The following MAPK8 variants were observed in gnomAD, a reference collection of about 807,000 sequenced individuals.
MAPK8 encodes JUN N-terminal kinase.
A neutral mutation model predicts 52.9 loss-of-function variants in MAPK8; 13 were observed. The observed-to-expected ratio is 0.25, with a 90% CI of 0.16 to 0.39. The LOEUF (loss-of-function observed/expected upper bound fraction) is 0.39. Ranked by LOEUF, MAPK8 falls within the 10% of genes least tolerant of loss-of-function variation. The pLI is 1.00. For synonymous variants in MAPK8, 191 were observed against 169.8 expected, an observed-to-expected ratio of 1.12 and a Z score of -0.97; for missense variants, 300 against 519.2, an observed-to-expected ratio of 0.58 and a Z score of 4.10.
In MAPK8 at chr10:48,392,695, A is replaced by ATAAAGGATATTACAAAGGAT. The variant is rs2041690079; in HGVS notation, c.-49-8917_-49-8916insTAAAGGATATTACAAAGGAT. Among the ~76,000 whole-genome samples the ATAAAGGATATTACAAAGGAT allele has an allele frequency of 2.0e-5, 3 of 151,940 alleles. No homozygotes were observed. In the East Asian group the frequency reaches 5.8e-4, roughly 29 times the overall value. ...CTCTCTTTATTGGATCCTTTTTGTT[A>ATAAAGGATATTACAAAGGAT]GCATATAAACATGTTCAGGTTGTCT... On this transcript the variant is annotated intron_variant, in intron 1 of 11. Coordinates refer to ENST00000374189, the MANE Select transcript of MAPK8 (RefSeq NM_001323329.2).
intron 1 of MAPK8, among the ~76,000 whole-genome samples, chr10:48,370,928 C>T (rs201701214): frequency 5.9e-5 from 9 of 152,146 alleles, no homozygotes; most frequent in East Asian, 1.9e-4. Flanking sequence ...TCTACTTAGA[C>T]GCTATGTACA....
chr10:48,388,864 G>A (rs562194535), intron 1 of MAPK8, among the ~76,000 whole-genome samples: 11 of 152,130 alleles, frequency 7.2e-5, no homozygotes, highest in Non-Finnish European at 1.5e-4. Context: ...AGGAGGAACC[G>A]TAAAGTCCAA....
chr10:48,346,220 A>C (rs1301111115), intron 1 of MAPK8, among the ~76,000 whole-genome samples: 1 of 152,256 alleles, frequency 6.6e-6, no homozygotes, highest in Non-Finnish European at 1.5e-5. Flanking sequence ...TACCAGATAT[A>C]GATCTTAGAT....
At chr10:48,362,463 A>G (rs1442295827) in intron 1 of MAPK8, among the ~76,000 whole-genome samples, 1 of 149,988 alleles carries the variant, frequency 6.7e-6, no homozygotes. Context: ...TCCCAGACTC[A>G]GAAGAGGAAA....
intron 3 of MAPK8, among the ~76,000 whole-genome samples, chr10:48,408,476 A>G (rs1350529754): frequency 2.0e-5 from 3 of 152,258 alleles, no homozygotes; most frequent in South Asian, 2.1e-4. Context: ...AAAACATTTT[A>G]AAAATGACAT....
intron 1 of MAPK8, 85 bp downstream of exon 1, chr10:48,306,906 T>G (rs1410239681): frequency 6.6e-6 from 1 of 152,156 alleles, no homozygotes; most frequent in East Asian, 1.9e-4. Flanking sequence ...CGCCGCCGCC[T>G]TCTCCTCAGC....
chr10:48,431,531 G>A (rs890903504), intron 11 of MAPK8, among the ~76,000 whole-genome samples: 2 of 152,098 alleles, frequency 1.3e-5, no homozygotes, highest in Non-Finnish European at 2.9e-5. Flanking sequence ...TGGCATTGTT[G>A]CTGGGTCTTT....
At chr10:48,424,234 G>T (rs1025337356) in intron 7 of MAPK8, 75 bp downstream of exon 7, 38 of 1,321,972 alleles carry the variant, frequency 2.9e-5, no homozygotes, top group East Asian at 6.9e-5. Flanking sequence ...AAATGAATAT[G>T]CTACATTTAC....
chr10:48,391,515 C>T (rs1009557990), intron 1 of MAPK8, among the ~76,000 whole-genome samples: 5 of 152,184 alleles, frequency 3.3e-5, no homozygotes, highest in African/African-American at 4.8e-5. Flanking sequence ...ATGCCCTTAT[C>T]TTGGTGAATG....
intron 1 of MAPK8, among the ~76,000 whole-genome samples, chr10:48,396,782 T>C (rs2041909276): frequency 6.6e-6 from 1 of 152,198 alleles, no homozygotes; most frequent in African/African-American, 2.4e-5. Context: ...TTATACTGAG[T>C]GAAATAGCTA....
intron 1 of MAPK8, among the ~76,000 whole-genome samples, chr10:48,313,214 C>T (rs1325077941): frequency 6.6e-6 from 1 of 152,156 alleles, no homozygotes; most frequent in Non-Finnish European, 1.5e-5. Flanking sequence ...GGGCGGATCA[C>T]CTGAGGTCAG....
At chr10:48,384,225 C>G (rs1173805740) in intron 1 of MAPK8, among the ~76,000 whole-genome samples, 2 of 152,218 alleles carry the variant, frequency 1.3e-5, no homozygotes, top group East Asian at 3.9e-4. Context: ...GCACTCCAGC[C>G]TGGGCGACAG....
In MAPK8 at chr10:48,373,571, C is replaced by CAAAAAAAAAAAAAAAAAAAAAAA. The variant is rs539162576; in HGVS notation, c.-49-28036_-49-28014dup. 5.9e-4 allele frequency among the ~76,000 whole-genome samples: 10 copies of CAAAAAAAAAAAAAAAAAAAAAAA among 16,844 alleles called. 3 individuals carry two copies. The highest frequency in any genetic ancestry group is 2.5e-3 in the Admixed American group (2 of 798). 11.1% of individuals were successfully genotyped at this position (16,844 alleles called of 152,430 possible). ...GAAGATTTACCAAGTAAATTGAAAG[C>CAAAAAAAAAAAAAAAAAAAAAAA]AAAAAAAAAAAAAAAAAAAAAAAAA... On this transcript the variant is annotated intron_variant, in intron 1 of 11. Transcript: ENST00000374189.
intron 1 of MAPK8, among the ~76,000 whole-genome samples, chr10:48,334,741 C>T (rs1844505416): frequency 6.6e-6 from 1 of 152,116 alleles, no homozygotes; most frequent in Non-Finnish European, 1.5e-5. Context: ...AACATTCACC[C>T]GTCCAAACCC....
intron 1 of MAPK8, among the ~76,000 whole-genome samples, chr10:48,379,704 G>A (rs181901527): frequency 4.2e-4 from 64 of 152,196 alleles, no homozygotes; most frequent in African/African-American, 1.4e-3. Context: ...TATCAGTTCA[G>A]TCCCATGTAA....
At chr10:48,378,464 A>G (rs1253866268) in intron 1 of MAPK8, among the ~76,000 whole-genome samples, 1 of 152,196 alleles carries the variant, frequency 6.6e-6, no homozygotes, top group African/African-American at 2.4e-5. Flanking sequence ...CACATTGACT[A>G]CAATCAAAAA....
chr10:48,403,917 TTGTGTGTGTGTGTGTGTG>T (rs71465463), intron 2 of MAPK8, among the ~76,000 whole-genome samples: 2 of 125,672 alleles, frequency 1.6e-5, no homozygotes, highest in East Asian at 2.3e-4. Context: ...CCCGGCTAAT[TTGTGTGTGTGTGTGTGTG>T]TGTGTGTGTG....
chr10:48,368,289 T>C (rs1848245532), intron 1 of MAPK8, among the ~76,000 whole-genome samples: 1 of 152,216 alleles, frequency 6.6e-6, no homozygotes, highest in African/African-American at 2.4e-5. Flanking sequence ...GGGTAATACA[T>C]GTGCTGCCAT....
chr10:48,324,460 G>A (rs1326553404), intron 1 of MAPK8, among the ~76,000 whole-genome samples: 1 of 140,826 alleles, frequency 7.1e-6, no homozygotes, highest in African/African-American at 2.8e-5. Context: ...ACATTTGATC[G>A]TTGTTGCTTT....
Sources: allele counts gnomAD v4.1 joint callset (sites outside exome capture counted in the v4.1 genomes callset), GRCh38; gene constraint gnomAD v4.1.1; transcripts MANE v1.5; gene names NCBI Gene and HGNC (gene_info 2026-07-23, HGNC 2026-07-21).